RRM1: variants seen among roughly 807,000 people sequenced by gnomAD.
RRM1 encodes ribonucleotide reductase catalytic subunit M1.
Under a neutral mutation model 101.5 loss-of-function variants are expected in RRM1, and 19 were observed. That is an observed-to-expected ratio of 0.19 (90% CI 0.13 to 0.27). The LOEUF is 0.27. Ranked by LOEUF, RRM1 falls within the 10% of genes least tolerant of loss-of-function variation. The pLI is 1.00. For synonymous variants in RRM1, 298 were observed against 323.4 expected, an observed-to-expected ratio of 0.92 and a Z score of 0.84; for missense variants, 500 against 962.9, an observed-to-expected ratio of 0.52 and a Z score of 6.36.
intron 1 of RRM1, among the ~76,000 whole-genome samples, chr11:4,098,506 C>T (rs1449793459): frequency 6.6e-6 from 1 of 151,588 alleles, no homozygotes; most frequent in Non-Finnish European, 1.5e-5. Flanking sequence ...ACCGGGATTG[C>T]AGTGATGAGT....
intron 9 of RRM1, 37 bp from the exon 10 acceptor site, chr11:4,121,567 T>C (rs2094581962): frequency 6.5e-7 from 1 of 1,536,484 alleles, no homozygotes; most frequent in African/African-American, 1.4e-5. Context: ...TTGTTTCATT[T>C]TTATTCTGAA....
chr11:4,107,353 C>T (rs2094559699), intron 3 of RRM1, 82 bp from the exon 4 acceptor site: 5 of 944,686 alleles, frequency 5.3e-6, no homozygotes, highest in Non-Finnish European at 6.8e-6. Flanking sequence ...GGTTGAGAAC[C>T]ACTGTTTTCA....
intron 2 of RRM1, chr11:4,105,569 T>G: frequency 7.5e-6 from 3 of 401,420 alleles, no homozygotes; most frequent in Non-Finnish European, 1.4e-5. Flanking sequence ...TTGTTTTCTT[T>G]TTTCTTTCCT....
chr11:4,106,894 A>T (rs766562749), intron 3 of RRM1, among the ~76,000 whole-genome samples: 2 of 151,936 alleles, frequency 1.3e-5, no homozygotes, highest in Admixed American at 6.6e-5. Context: ...TCTTTTTAAA[A>T]TTTTTTTATT....
intron 3 of RRM1, among the ~76,000 whole-genome samples, 198 bp from the exon 4 acceptor site, chr11:4,107,237 T>C (rs2094559553): frequency 6.6e-6 from 1 of 152,246 alleles, no homozygotes; most frequent in Non-Finnish European, 1.5e-5. Context: ...ACTTTAACTC[T>C]AGAAGATTGT....
At chr11:4,117,963 C>G (rs897364452) in intron 7 of RRM1, among the ~76,000 whole-genome samples, 4 of 152,160 alleles carry the variant, frequency 2.6e-5, no homozygotes, top group African/African-American at 9.7e-5. Flanking sequence ...GGCTTACTAA[C>G]AACCTGAAAA....
intron 12 of RRM1, among the ~76,000 whole-genome samples, chr11:4,123,944 A>G (rs2094585621): frequency 6.6e-6 from 1 of 152,236 alleles, no homozygotes; most frequent in African/African-American, 2.4e-5. Flanking sequence ...TCAAGGCTAG[A>G]AATGGGACAT....
chr11:4,107,188 G>A lies in RRM1; in HGVS notation c.287-247G>A, dbSNP rs569720525. 4.9e-4 allele frequency among the ~76,000 whole-genome samples: 74 copies of A among 152,258 alleles called. 2 individuals are homozygous for A. The highest frequency in any genetic ancestry group is 1.7e-3 in the African/African-American group (72 of 41,554). On this transcript the variant is annotated intron_variant, in intron 3 of 18. Transcript: ENST00000300738. ...ATTACAGGCGTGAGCCACCGCGCCC[G>A]GCCCAGGAATCTATTTTAAACTACA... is the stretch of plus-strand genomic sequence containing the variant.
intron 15 of RRM1, among the ~76,000 whole-genome samples, chr11:4,131,386 G>A (rs182840799): frequency 6.6e-6 from 1 of 152,316 alleles, no homozygotes; most frequent in East Asian, 1.9e-4. Context: ...ACTATATCCA[G>A]TTGTACAGAC....
intron 12 of RRM1, among the ~76,000 whole-genome samples, chr11:4,125,825 T>C (rs1257282857): frequency 6.6e-6 from 1 of 152,258 alleles, no homozygotes; most frequent in Admixed American, 6.5e-5. Context: ...ATTAGACTTC[T>C]GTGATTCAAG....
At chr11:4,117,753 C>T (rs978636740) in intron 7 of RRM1, among the ~76,000 whole-genome samples, 2 of 152,054 alleles carry the variant, frequency 1.3e-5, no homozygotes, top group Non-Finnish European at 2.9e-5. Context: ...AGATAGAATC[C>T]ATTTGCATGA....
intron 7 of RRM1, among the ~76,000 whole-genome samples, chr11:4,117,817 G>T (rs1303920727): frequency 6.6e-6 from 1 of 152,214 alleles, no homozygotes; most frequent in East Asian, 1.9e-4. Flanking sequence ...TCCTGAGGTG[G>T]GGAGCAGGAT....
In RRM1 at chr11:4,135,273, T is replaced by A. The variant is rs1221797774; in HGVS notation, c.2190+3T>A. 1 of 1,594,234 alleles carries A rather than the reference T, an allele frequency of 6.3e-7. No homozygotes were observed. Among genetic ancestry groups the A allele is most frequent in the South Asian group, 1.1e-5 (1 of 87,516 alleles). On this transcript the variant is annotated splice_donor_region_variant and intron_variant, in intron 18 of 18. Transcript: ENST00000300738. ...TGCACTTCTACGGCTGGAAGCAGGTTGGTAGAGAATATCAAGGAGTACTTA... is the reference window on the plus strand; with the variant it reads ...TGCACTTCTACGGCTGGAAGCAGGTAGGTAGAGAATATCAAGGAGTACTTA...
At chr11:4,124,854 T>G (rs2094587039) in intron 12 of RRM1, among the ~76,000 whole-genome samples, 1 of 151,830 alleles carries the variant, frequency 6.6e-6, no homozygotes. Context: ...TTCTTTTCTT[T>G]TTTTTAGTAT....
chr11:4,129,869 C>T (rs1215348939), intron 15 of RRM1, among the ~76,000 whole-genome samples: 1 of 151,396 alleles, frequency 6.6e-6, no homozygotes, highest in Non-Finnish European at 1.5e-5. Context: ...TGTTTTCCTA[C>T]TCAAATAATA....
chr11:4,098,939 G>C (rs1421875546), intron 1 of RRM1, among the ~76,000 whole-genome samples: 1 of 151,992 alleles, frequency 6.6e-6, no homozygotes, highest in Non-Finnish European at 1.5e-5. Flanking sequence ...CATTTGAGCT[G>C]AACCCTAAAT....
intron 18 of RRM1, chr11:4,137,183 A>C (rs1038809767): frequency 1.2e-5 from 3 of 251,788 alleles, no homozygotes; most frequent in African/African-American, 7.1e-5. Flanking sequence ...CTACACAGAC[A>C]CGGCAACCAT....
intron 11 of RRM1, 21 bp downstream of exon 11, chr11:4,122,241 A>G: frequency 6.6e-7 from 1 of 1,504,908 alleles, no homozygotes; most frequent in Non-Finnish European, 9.2e-7. Flanking sequence ...AATATGAAAG[A>G]AAACAATAAT....
chr11:4,134,637 A>G (rs1218773232), intron 17 of RRM1, among the ~76,000 whole-genome samples: 1 of 152,142 alleles, frequency 6.6e-6, no homozygotes, highest in African/African-American at 2.4e-5. Flanking sequence ...GGGAGTTTGA[A>G]ATCCTAGCTT....
Sources: gnomAD v4.1 joint callset for allele counts (sites outside exome capture counted in the v4.1 genomes callset) on GRCh38, gnomAD v4.1.1 for gene constraint, MANE v1.5 for transcripts, NCBI Gene and HGNC (gene_info 2026-07-23, HGNC 2026-07-21) for gene names.